NUP93: variants seen among roughly 807,000 people sequenced by gnomAD.
NUP93 encodes nuclear pore complex protein Nup93.
A neutral mutation model predicts 107.8 loss-of-function variants in NUP93; 55 were observed. The ratio of observed to expected loss-of-function variants is 0.51; its 90% CI spans 0.41 to 0.64. The LOEUF (loss-of-function observed/expected upper bound fraction) is 0.64, where lower values mean the gene tolerates loss of function less well. Among genes scored for constraint, NUP93 ranks in the 30% least tolerant of loss-of-function variants. The probability of loss-of-function intolerance (pLI) is 0.00; values close to 1 mark genes in which losing one functional copy is unlikely to be tolerated. For missense variants in NUP93, 937 were observed against 1,044.7 expected (o/e 0.90, Z 1.42); for synonymous variants, 390 against 397.5 (o/e 0.98, Z 0.22).
chr16:56,752,153 G>A (rs532091950), intron 2 of NUP93, among the ~76,000 whole-genome samples: 1 of 152,278 alleles, frequency 6.6e-6, no homozygotes, highest in Admixed American at 6.5e-5. Context: ...ACATTCTTAT[G>A]TGTCTCTGGT....
At chr16:56,802,071 C>T (rs1963032308) in intron 4 of NUP93, among the ~76,000 whole-genome samples, 1 of 152,156 alleles carries the variant, frequency 6.6e-6, no homozygotes, top group Non-Finnish European at 1.5e-5. Flanking sequence ...GTGGTGTGCT[C>T]ACCCCGTGTT....
At chr16:56,739,517 G>T (rs1204046195) in intron 1 of NUP93, among the ~76,000 whole-genome samples, 1 of 79,138 alleles carries the variant, frequency 1.3e-5, no homozygotes, top group African/African-American at 4.7e-5. Flanking sequence ...CTGGCCGGGC[G>T]GGGGGGCTGA....
intron 1 of NUP93, among the ~76,000 whole-genome samples, chr16:56,738,846 A>C (rs1961654537): frequency 6.6e-6 from 1 of 152,122 alleles, no homozygotes; most frequent in Non-Finnish European, 1.5e-5. Flanking sequence ...AGAATCATTC[A>C]CAAGAATGTT....
At chr16:56,826,141 T>G (rs547300443) in intron 8 of NUP93, among the ~76,000 whole-genome samples, 2 of 152,302 alleles carry the variant, frequency 1.3e-5, no homozygotes, top group African/African-American at 4.8e-5. Flanking sequence ...TTAATTCAAA[T>G]TGGAAGAGAC....
chr16:56,783,489 G>A, intron 3 of NUP93: 1 of 985,452 alleles, frequency 1.0e-6, no homozygotes, highest in Non-Finnish European at 1.2e-6. Flanking sequence ...ATGAGACAAT[G>A]AGATGTGGTT....
intron 8 of NUP93, among the ~76,000 whole-genome samples, chr16:56,824,275 T>C (rs1296345526): frequency 6.6e-6 from 1 of 152,186 alleles, no homozygotes. Context: ...TTATTTTTGT[T>C]CTGACTCTAC....
rs1009938420 is a variant in NUP93, at chr16:56,805,584, A to G, written c.441A>G (p.Thr147=). 1.9e-6 allele frequency: 3 copies of G among 1,614,088 alleles called. No individual in the cohort carries two copies. The highest frequency in any genetic ancestry group is 2.5e-6 in the Non-Finnish European group (3 of 1,179,984). The part of the protein sequence containing the change: ...WEQVKQRILH[T]LLASGEDALD... ...AAGTGAAACAGCGAATTCTGCACAC[A>G]CTGCTGGCATCAGGAGAAGACGCCC... Residue 147 remains threonine, a synonymous_variant, in exon 5 of 22, where the codon ACA becomes ACG. Transcript: ENST00000308159.
intron 20 of NUP93, among the ~76,000 whole-genome samples, chr16:56,841,054 T>C (rs1964015763): frequency 6.6e-6 from 1 of 151,756 alleles, no homozygotes; most frequent in Non-Finnish European, 1.5e-5. Flanking sequence ...GTTCTGCACA[T>C]GAAGAGGGAT....
intron 3 of NUP93, among the ~76,000 whole-genome samples, chr16:56,768,663 G>A (rs377624694): frequency 5.9e-5 from 9 of 151,276 alleles, no homozygotes; most frequent in East Asian, 3.9e-4. Context: ...TCAGGAGATC[G>A]AGACCATCCT....
At chr16:56,813,032 A>G (rs973836604) in intron 5 of NUP93, among the ~76,000 whole-genome samples, 5 of 152,238 alleles carry the variant, frequency 3.3e-5, no homozygotes, top group Non-Finnish European at 5.9e-5. Context: ...GGTATTAGAC[A>G]TAGTCTATGA....
At chr16:56,839,336 T>G (rs1963976124) in intron 19 of NUP93, 185 bp from the exon 20 acceptor site, 1 of 474,730 alleles carries the variant, frequency 2.1e-6, no homozygotes, top group Non-Finnish European at 3.7e-6. Flanking sequence ...TTTTAAAAAT[T>G]GTGTCAGGAA....
chr16:56,842,849 G>A (rs1040297707), intron 21 of NUP93, among the ~76,000 whole-genome samples: 5 of 152,086 alleles, frequency 3.3e-5, no homozygotes, highest in East Asian at 1.9e-4. Flanking sequence ...CACCGTTCCC[G>A]GCCCCACAAT....
intron 3 of NUP93, among the ~76,000 whole-genome samples, chr16:56,794,058 A>G (rs1432425830): frequency 2.2e-5 from 2 of 91,752 alleles, no homozygotes; most frequent in African/African-American, 5.2e-5. Context: ...CCATCTCTAG[A>G]TAGATAGATA....
At chr16:56,759,234 G>A (rs1412589132) in intron 3 of NUP93, among the ~76,000 whole-genome samples, 1 of 152,198 alleles carries the variant, frequency 6.6e-6, no homozygotes, top group Non-Finnish European at 1.5e-5. Context: ...ACGTAAAATT[G>A]TTAAGGAAAA....
chr16:56,793,127 G>T (rs185081246), intron 3 of NUP93, among the ~76,000 whole-genome samples: 5 of 152,320 alleles, frequency 3.3e-5, no homozygotes, highest in South Asian at 2.1e-4. Flanking sequence ...TTCCTGAATG[G>T]TGGCTATTAT....
At chr16:56,840,469 A>G (rs754386663) in intron 20 of NUP93, among the ~76,000 whole-genome samples, 2 of 152,174 alleles carry the variant, frequency 1.3e-5, no homozygotes, top group Admixed American at 6.5e-5. Context: ...ATCTCTAGAA[A>G]AGTTTCTAAA....
intron 1 of NUP93, among the ~76,000 whole-genome samples, chr16:56,733,649 G>A (rs1170264160): frequency 2.0e-5 from 3 of 151,954 alleles, no homozygotes; most frequent in African/African-American, 7.3e-5. Flanking sequence ...CCAGGTGTAG[G>A]TATTAGGTGG....
chr16:56,818,992 G>A (rs1169049788), intron 6 of NUP93, among the ~76,000 whole-genome samples: 1 of 152,134 alleles, frequency 6.6e-6, no homozygotes, highest in Non-Finnish European at 1.5e-5. Context: ...TGCATTTTTG[G>A]CAATAGTCCC....
At chr16:56,839,144 A>C in intron 19 of NUP93, 75 bp downstream of exon 19, 1 of 1,006,504 alleles carries the variant, frequency 9.9e-7, no homozygotes, top group Non-Finnish European at 1.5e-6. Flanking sequence ...CATGGAATTT[A>C]CTTAAAACAA....
Sources: allele counts gnomAD v4.1 joint callset (sites outside exome capture counted in the v4.1 genomes callset), GRCh38; gene constraint gnomAD v4.1.1; transcripts MANE v1.5; gene names NCBI Gene and HGNC (gene_info 2026-07-23, HGNC 2026-07-21).